The following SLC38A8 variants were observed in gnomAD, a reference collection of about 807,000 sequenced individuals.
SLC38A8 encodes amino acid transporter SLC38A8.
A neutral mutation model predicts 46.0 loss-of-function variants in SLC38A8; 65 were observed. That is an observed-to-expected ratio of 1.41 (90% CI 1.16 to 1.74). The LOEUF is 1.74. SLC38A8 is among the 40% of genes most tolerant of loss of function. SLC38A8 has a pLI of 0.00. For missense variants in SLC38A8, 998 were observed against 567.9 expected, an observed-to-expected ratio of 1.76 and a Z score of -7.70; for synonymous variants, 447 against 243.7, an observed-to-expected ratio of 1.83 and a Z score of -7.77.
Position 84,042,068 on chromosome 16 carries a change from G to C in SLC38A8, c.90C>G (p.Val30=), listed in dbSNP as rs757965498. 2.5e-6 allele frequency: 4 copies of C among 1,613,960 alleles called. No individual in the cohort carries two copies. The highest frequency in any genetic ancestry group is 2.2e-5 in the East Asian group (1 of 44,886). The change falls in exon 2 of 11, where the codon GTC becomes GTG. Residue 30 remains valine, a synonymous_variant. Coordinates refer to ENST00000299709, the MANE Select transcript of SLC38A8 (RefSeq NM_001080442.3). ...CCAGCGCGGACTTCATGAGGATGAA[G>C]ACAGCGCCCATCGAGGACAGAGTGG... The part of the protein sequence containing the change: ...AAATLSSMGA[V]FILMKSALGA...
chr16:84,020,093 G>T (rs770576434), intron 7 of SLC38A8, among the ~76,000 whole-genome samples: 1 of 152,088 alleles, frequency 6.6e-6, no homozygotes, highest in African/African-American at 2.4e-5. Context: ...CATTGCCCTG[G>T]CAGAGACTCT....
chr16:84,043,230 G>T (rs918081428), upstream of SLC38A8, among the ~76,000 whole-genome samples: 1 of 152,194 alleles, frequency 6.6e-6, no homozygotes, highest in Non-Finnish European at 1.5e-5. Context: ...CCTAGGCCAC[G>T]CTTGAGTGAT....
At position 84,017,214 on chromosome 16, in the gene SLC38A8, C is replaced by A; in HGVS notation, c.879G>T (p.Met293Ile). Residue 293 changes from methionine (M) to isoleucine (I), a missense_variant, in exon 8 of 11, where the codon ATG (methionine) becomes ATT (isoleucine). By Grantham distance (10) the Met-to-Ile change is conservative (BLOSUM62 1). Transcript: ENST00000299709. ...AAAGGACCCGGGCCACAATGATGAC[C>A]ATATCATTGCCTGGGTAGGACATCA... The part of the protein sequence containing the change: ...DVLMSYPGND[M>I]VIIVARVLFA... The A allele has an allele frequency of 6.2e-7, 1 of 1,614,082 alleles. No homozygotes were observed. The highest frequency in any genetic ancestry group is 1.3e-5 in the African/African-American group (1 of 75,014).
chr16:84,032,006 G>T, intron 4 of SLC38A8, 38 bp from the exon 5 acceptor site: 2 of 1,560,862 alleles, frequency 1.3e-6, no homozygotes, highest in South Asian at 1.1e-5. Context: ...CGCAGTGGGT[G>T]ACATGTGCGG....
chr16:84,038,280 C>T (rs1352439832), intron 2 of SLC38A8, among the ~76,000 whole-genome samples: 1 of 151,740 alleles, frequency 6.6e-6, no homozygotes, highest in Non-Finnish European at 1.5e-5. Flanking sequence ...CACTGTACTC[C>T]AGCCTGGGCC....
intron 7 of SLC38A8, among the ~76,000 whole-genome samples, chr16:84,020,486 G>C (rs1388855438): frequency 6.6e-6 from 1 of 152,172 alleles, no homozygotes; most frequent in Non-Finnish European, 1.5e-5. Context: ...AGGCTGCCAA[G>C]CTTCTGTAGC....
intron 7 of SLC38A8, among the ~76,000 whole-genome samples, 193 bp downstream of exon 7, chr16:84,022,582 G>C (rs956378918): frequency 6.6e-6 from 1 of 152,188 alleles, no homozygotes; most frequent in East Asian, 1.9e-4. Context: ...AAGTTCTGGA[G>C]GGCACCTGAG....
intron 3 of SLC38A8, 67 bp from the exon 4 acceptor site, chr16:84,033,536 G>A: frequency 6.7e-7 from 1 of 1,500,840 alleles, no homozygotes; most frequent in East Asian, 2.4e-5. Flanking sequence ...CTCCCACCTG[G>A]CCCTTCAACC....
chr16:84,032,164 G>A (rs898114002), intron 4 of SLC38A8, among the ~76,000 whole-genome samples, 196 bp from the exon 5 acceptor site: 2 of 105,386 alleles, frequency 1.9e-5, no homozygotes, highest in African/African-American at 8.2e-5. Flanking sequence ...GGGGTCAGAT[G>A]TAGAGTTTTG....
chr16:84,043,042 G>T (rs2085384780), upstream of SLC38A8, among the ~76,000 whole-genome samples: 1 of 152,070 alleles, frequency 6.6e-6, no homozygotes, highest in African/African-American at 2.4e-5. Context: ...AAAGTGCCCT[G>T]AGCCCAGCCT....
At chr16:84,030,851 C>T (rs2085229422) in intron 5 of SLC38A8, among the ~76,000 whole-genome samples, 1 of 150,660 alleles carries the variant, frequency 6.6e-6, no homozygotes, top group South Asian at 2.1e-4. Flanking sequence ...AGGGGTCGCA[C>T]ACCCACGAGC....
chr16:84,024,331 T>C (rs996018310), intron 6 of SLC38A8, among the ~76,000 whole-genome samples: 4 of 152,248 alleles, frequency 2.6e-5, no homozygotes, highest in Middle Eastern at 3.4e-3. Context: ...ATATGTGACA[T>C]GCCATATTGG....
At chr16:84,015,689 C>A (rs1166319032) in intron 9 of SLC38A8, among the ~76,000 whole-genome samples, 1 of 152,080 alleles carries the variant, frequency 6.6e-6, no homozygotes, top group Non-Finnish European at 1.5e-5. Context: ...CTAATAAAGA[C>A]CTACCAGGGA....
chr16:84,023,752 G>C (rs531916630), intron 6 of SLC38A8, among the ~76,000 whole-genome samples: 94 of 152,256 alleles, frequency 6.2e-4, no homozygotes, highest in African/African-American at 2.2e-3. Flanking sequence ...AAATTAGCCG[G>C]GCATGGTAAT....
upstream of SLC38A8, among the ~76,000 whole-genome samples, chr16:84,043,275 A>C (rs1445570067): frequency 1.3e-5 from 2 of 152,216 alleles, no homozygotes; most frequent in Non-Finnish European, 2.9e-5. Context: ...GGGTCAGCTA[A>C]GGGGACAGAA....
At position 84,013,436 on chromosome 16, in the gene SLC38A8, T is replaced by G. The variant is rs1291174321; in HGVS notation, c.1163-384A>C. On this transcript the variant is annotated intron_variant, in intron 9 of 10. Transcript: ENST00000299709. The stretch of plus-strand genomic sequence containing the variant: ...TTGTTGTGTGTGTGTTTTTTTTTTT[T>G]TTTTTTTTTTTTTGAGACGGAGTCT... Among the ~76,000 whole-genome samples the G allele has an allele frequency of 9.5e-5, 12 of 126,244 alleles. No individual in the cohort carries two copies. In the East Asian group the frequency reaches 1.3e-3, roughly 13 times the overall value. 82.8% of individuals were successfully genotyped at this position (126,244 alleles called of 152,430 possible). A position where few individuals can be genotyped will look rare whatever the true frequency, so the allele number is the denominator to read the frequency against.
At chr16:84,020,981 G>A (rs2085088157) in intron 7 of SLC38A8, among the ~76,000 whole-genome samples, 1 of 152,168 alleles carries the variant, frequency 6.6e-6, no homozygotes, top group African/African-American at 2.4e-5. Context: ...CATAACGTGA[G>A]CAGCTAAGAG....
chr16:84,031,373 A>C (rs2085236065), intron 5 of SLC38A8, among the ~76,000 whole-genome samples: 1 of 152,182 alleles, frequency 6.6e-6, no homozygotes, highest in Non-Finnish European at 1.5e-5. Context: ...AAATCCTGTC[A>C]CATCCCTGCT....
At chr16:84,020,596 C>T (rs1436419119) in intron 7 of SLC38A8, among the ~76,000 whole-genome samples, 1 of 152,192 alleles carries the variant, frequency 6.6e-6, no homozygotes, top group Non-Finnish European at 1.5e-5. Context: ...GATCAGGGGC[C>T]ACCTGACCCA....
Sources: gnomAD v4.1 joint callset for allele counts (sites outside exome capture counted in the v4.1 genomes callset) on GRCh38, gnomAD v4.1.1 for gene constraint, MANE v1.5 for transcripts, NCBI Gene and HGNC (gene_info 2026-07-23, HGNC 2026-07-21) for gene names.